Variants in DTNA observed in about 807,000 individuals in gnomAD.
DTNA encodes dystrophin-related protein 3.
DTNA carries 43 observed loss-of-function variants against 100.7 expected under a neutral mutation model. The observed-to-expected ratio is 0.43, with a 90% CI of 0.33 to 0.55. The LOEUF is 0.55. DTNA is among the 20% of genes least tolerant of loss of function. The probability of loss-of-function intolerance (pLI) is 0.04; values close to 1 mark genes in which losing one functional copy is unlikely to be tolerated. For missense variants in DTNA, 798 were observed against 953.9 expected, an observed-to-expected ratio of 0.84 and a Z score of 2.15; for synonymous variants, 349 against 347.9, an observed-to-expected ratio of 1.00 and a Z score of -0.04.
chr18:34,888,565 C>T lies in DTNA; in HGVS notation c.*831C>T, dbSNP rs2096942540. The T allele has an allele frequency of 1.0e-6, 1 of 985,490 alleles. No homozygotes were observed. Among genetic ancestry groups the T allele is most frequent in the East Asian group, 1.1e-4 (1 of 8,822 alleles). The allele number at this position is 985,490 out of a possible 1,614,324, so 61.0% of individuals were successfully genotyped here. ...AAATAGATATCATATTCAAAAAAGG[C>T]AGCATTCAAATTATATAGAATCTAG... On this transcript the variant is annotated 3_prime_UTR_variant, in exon 23 of 23. Coordinates refer to ENST00000444659, the MANE Select transcript of DTNA (RefSeq NM_001386795.1).
rs1241201391 is a variant in DTNA, at chr18:34,891,393, A to T, written c.*3659A>T. On this transcript the variant is annotated 3_prime_UTR_variant, in exon 23 of 23. Transcript: ENST00000444659. ...AATTTCTTCATTAAAAAATGTTTTTAAAAACACTATATCTTGGGTGGTTTA... is the reference window on the plus strand; with the variant it reads ...AATTTCTTCATTAAAAAATGTTTTTTAAAACACTATATCTTGGGTGGTTTA... 2 of 152,714 alleles carry T rather than the reference A, an allele frequency of 1.3e-5. No individual in the cohort carries two copies. Among genetic ancestry groups the T allele is most frequent in the Non-Finnish European group, 1.5e-5 (1 of 68,020 alleles). The allele number at this position is 152,714 out of a possible 1,614,324, so 9.5% of individuals were successfully genotyped here.
chr18:34,685,444 G>A (rs1461124885), intron 1 of DTNA, among the ~76,000 whole-genome samples: 1 of 152,176 alleles, frequency 6.6e-6, no homozygotes, highest in East Asian at 1.9e-4. Flanking sequence ...AGATCAGATG[G>A]TTGTAGATGT....
At chr18:34,624,341 A>G (rs566628719) in intron 1 of DTNA, among the ~76,000 whole-genome samples, 50 of 152,308 alleles carry the variant, frequency 3.3e-4, no homozygotes, top group African/African-American at 1.2e-3. Context: ...TAACACATTG[A>G]TATATTAACA....
chr18:34,867,239 A>C (rs2096715553), intron 17 of DTNA: 1 of 1,231,426 alleles, frequency 8.1e-7, no homozygotes. Context: ...TGTTTGGAAA[A>C]TGCTGGACAC....
intron 1 of DTNA, among the ~76,000 whole-genome samples, chr18:34,499,129 G>A (rs1173443591): frequency 6.6e-6 from 1 of 152,168 alleles, no homozygotes; most frequent in African/African-American, 2.4e-5. Flanking sequence ...CAACTTGGCT[G>A]TAACTACCAC....
Position 34,838,115 on chromosome 18 carries a change from A to C in DTNA, c.1197A>C (p.Glu399Asp). The change falls in exon 12 of 23, where the codon GAA becomes GAC. Residue 399 changes from glutamate to aspartate, a missense_variant. By Grantham distance (45) the Glu-to-Asp change is conservative (BLOSUM62 2). Coordinates refer to ENST00000444659, the MANE Select transcript of DTNA (RefSeq NM_001386795.1). ...HGARSPPKDS[E>D]VEQNKLLARA... ...CTAGCTCTCCTCCCAAGGACAGTGA[A>C]GTAGAGCAGAACAAACTGCTGGCTA... 1 of 1,613,874 alleles carries C rather than the reference A, an allele frequency of 6.2e-7. No individual in the cohort carries two copies. Among genetic ancestry groups the C allele is most frequent in the Non-Finnish European group, 8.5e-7 (1 of 1,179,828 alleles).
At chr18:34,506,549 A>G (rs2040511797) in intron 1 of DTNA, among the ~76,000 whole-genome samples, 1 of 152,196 alleles carries the variant, frequency 6.6e-6, no homozygotes. Context: ...TGTGGCTACA[A>G]TAGAGCAGTT....
chr18:34,560,355 A>G (rs1322516063), intron 1 of DTNA, among the ~76,000 whole-genome samples: 1 of 152,230 alleles, frequency 6.6e-6, no homozygotes, highest in Non-Finnish European at 1.5e-5. Flanking sequence ...CAATTTCAAA[A>G]CAAATATATT....
At chr18:34,836,094 G>T (rs983866466) in intron 11 of DTNA, among the ~76,000 whole-genome samples, 2 of 152,156 alleles carry the variant, frequency 1.3e-5, no homozygotes, top group African/African-American at 4.8e-5. Context: ...GGTACTGTAG[G>T]TACTGCATAA....
At chr18:34,875,426 C>G (rs368644134) in intron 18 of DTNA, 28 bp downstream of exon 18, 9 of 1,613,884 alleles carry the variant, frequency 5.6e-6, no homozygotes, top group Non-Finnish European at 6.8e-6. Flanking sequence ...TTGTTGTGGT[C>G]TGCTTTTATG....
chr18:34,729,495 C>T (rs2087563453), intron 1 of DTNA, among the ~76,000 whole-genome samples: 1 of 152,146 alleles, frequency 6.6e-6, no homozygotes, highest in African/African-American at 2.4e-5. Context: ...TTCAGAACCC[C>T]GCTCTGAGGA....
chr18:34,594,375 C>CA (rs2050163064), intron 1 of DTNA, among the ~76,000 whole-genome samples: 1 of 152,218 alleles, frequency 6.6e-6, no homozygotes. Flanking sequence ...CTCTTAGAGA[C>CA]AGCTCTTCCA....
intron 1 of DTNA, chr18:34,737,868 G>A (rs1312100008): frequency 6.6e-6 from 1 of 152,104 alleles, no homozygotes; most frequent in Non-Finnish European, 1.5e-5. Context: ...ACGCCTTCAT[G>A]AAACCGACAG....
chr18:34,853,896 A>G (rs1488846438), intron 15 of DTNA, among the ~76,000 whole-genome samples: 2 of 152,198 alleles, frequency 1.3e-5, no homozygotes, highest in Non-Finnish European at 1.5e-5. Context: ...CAAGTCAGAA[A>G]AAAGCATTGA....
intron 17 of DTNA, among the ~76,000 whole-genome samples, chr18:34,869,788 G>A (rs1381007814): frequency 2.0e-5 from 3 of 152,226 alleles, no homozygotes; most frequent in Non-Finnish European, 2.9e-5. Flanking sequence ...TTGGGAGGCC[G>A]AGGCAGGCAG....
In DTNA at chr18:34,875,257, C is replaced by A. The variant is rs2096803648; in HGVS notation, c.1762C>A (p.Pro588Thr). The change falls in exon 18 of 23, where the codon CCC (proline) becomes ACC (threonine). Residue 588 changes from proline to threonine, a missense_variant. Pro to Thr is a conservative substitution (Grantham distance 38). Coordinates refer to ENST00000444659, the MANE Select transcript of DTNA (RefSeq NM_001386795.1). ...TCTCCAGACTCAGGGGGCAGGCTCT[C>A]CCCGCTCCTCCCCCAGCCACACCAT... The part of the protein sequence containing the change: ...KLLKTQGAGS[P>T]RSSPSHTISR... The A allele has an allele frequency of 6.2e-7, 1 of 1,613,934 alleles. No individual in the cohort carries two copies. Among genetic ancestry groups the A allele is most frequent in the East Asian group, 2.2e-5 (1 of 44,894 alleles).
intron 3 of DTNA, among the ~76,000 whole-genome samples, chr18:34,777,753 A>G (rs1252563546): frequency 6.6e-6 from 1 of 152,202 alleles, no homozygotes; most frequent in Non-Finnish European, 1.5e-5. Flanking sequence ...TTATGAGAAC[A>G]GCATGGGGGA....
intron 3 of DTNA, among the ~76,000 whole-genome samples, chr18:34,783,199 C>A (rs2094398045): frequency 6.6e-6 from 1 of 152,078 alleles, no homozygotes; most frequent in South Asian, 2.1e-4. Flanking sequence ...AATCCTTGTT[C>A]AATTGAATGT....
intron 1 of DTNA, among the ~76,000 whole-genome samples, chr18:34,753,100 A>T (rs1477182569): frequency 6.6e-6 from 1 of 152,082 alleles, no homozygotes; most frequent in African/African-American, 2.4e-5. Context: ...TTATTCAATA[A>T]ATACTAGCTG....
Sources: allele counts gnomAD v4.1 joint callset (sites outside exome capture counted in the v4.1 genomes callset), GRCh38; gene constraint gnomAD v4.1.1; transcripts MANE v1.5; gene names NCBI Gene and HGNC (gene_info 2026-07-23, HGNC 2026-07-21).